The following ITGA6 variants were observed in gnomAD, a reference collection of about 807,000 sequenced individuals.
ITGA6 encodes integrin subunit alpha 6.
ITGA6 carries 63 observed loss-of-function variants against 133.6 expected under a neutral mutation model. The ratio of observed to expected loss-of-function variants is 0.47; its 90% confidence interval spans 0.38 to 0.58. The LOEUF is 0.58. ITGA6 is among the 20% of genes least tolerant of loss of function. The pLI is 0.00. For synonymous variants in ITGA6, 434 were observed against 482.0 expected (o/e 0.90, Z 1.30); for missense variants, 1,068 against 1,309.4 (o/e 0.82, Z 2.85).
chr2:172,472,908 C>T (rs933292833), intron 5 of ITGA6: 25 of 1,440,992 alleles, frequency 1.7e-5, no homozygotes, highest in East Asian at 4.5e-5. Context: ...ACCTCTGCGA[C>T]GACAAATAAA....
intron 5 of ITGA6, 148 bp downstream of exon 5, chr2:172,471,253 G>GT: frequency 5.8e-6 from 5 of 860,078 alleles, no homozygotes; most frequent in Non-Finnish European, 9.2e-6. Context: ...GATAAGCTTG[G>GT]TGATCTAGAG....
intron 25 of ITGA6, chr2:172,503,458 T>C (rs918919172): frequency 1.9e-4 from 29 of 152,306 alleles, no homozygotes; most frequent in African/African-American, 6.5e-4. Context: ...GCACATGATT[T>C]TTATTGCAGG....
intron 23 of ITGA6, among the ~76,000 whole-genome samples, chr2:172,493,214 TACATTTGCCTGAG>T (rs1458706086): frequency 3.9e-5 from 6 of 152,150 alleles, no homozygotes; most frequent in Non-Finnish European, 8.8e-5. Context: ...AGCCCCAGGA[TACATTTGCCTGAG>T]ACAAATGCTG....
In ITGA6 at chr2:172,495,034, G is replaced by A. The variant is rs536977345; in HGVS notation, c.2989-2941G>A. Among the ~76,000 whole-genome samples the A allele has an allele frequency of 1.1e-4, 16 of 152,272 alleles. 1 individual carries two copies. Among genetic ancestry groups the A allele is most frequent in the African/African-American group, 3.9e-4 (16 of 41,556 alleles). ...TGTTATATGATAAACACCAAGAGTG[G>A]ATGATGTCCTTAATAGATAATTTTG... On this transcript the variant is annotated intron_variant, in intron 23 of 25. Transcript: ENST00000684293.
chr2:172,501,789 A>C lies in ITGA6; in HGVS notation c.3132A>C (p.Arg1044Ser). ...CCTTGTAGTGTGGTTTCTTCAAGAG[A>C]AATAAGAAAGATCATTATGATGCCA... The part of the protein sequence containing the change: ...FILWKCGFFK[R>S]NKKDHYDATY... Residue 1044 changes from arginine to serine, a missense_variant, in exon 25 of 26, where the codon AGA becomes AGC. Arg to Ser is a moderately radical substitution (Grantham distance 110). Coordinates refer to ENST00000684293, the MANE Select transcript of ITGA6 (RefSeq NM_000210.4). 1 of 1,612,726 alleles carries C rather than the reference A, an allele frequency of 6.2e-7. No individual in the cohort carries two copies. The highest frequency in any genetic ancestry group is 1.1e-5 in the South Asian group (1 of 91,022).
chr2:172,465,840 A>G (rs1208493039), intron 2 of ITGA6, 177 bp downstream of exon 2: 4 of 908,786 alleles, frequency 4.4e-6, no homozygotes, highest in East Asian at 5.3e-5. Flanking sequence ...TCTGAATCAT[A>G]CTGGGATGCC....
intron 1 of ITGA6, among the ~76,000 whole-genome samples, chr2:172,438,157 G>A (rs1684401839): frequency 6.6e-6 from 1 of 151,694 alleles, no homozygotes; most frequent in South Asian, 2.1e-4. Flanking sequence ...TAAGATGGGA[G>A]AAGATTATAG....
intron 1 of ITGA6, among the ~76,000 whole-genome samples, chr2:172,441,610 A>G (rs909958598): frequency 2.7e-5 from 4 of 150,086 alleles, no homozygotes; most frequent in Admixed American, 2.0e-4. Context: ...ACCTCAGTGC[A>G]TAAGACACAG....
intron 13 of ITGA6, among the ~76,000 whole-genome samples, chr2:172,486,521 C>T (rs1382140917): frequency 2.6e-5 from 4 of 152,164 alleles, no homozygotes; most frequent in East Asian, 1.9e-4. Context: ...CTCTCTGTTT[C>T]GTCATCTCTA....
chr2:172,428,011 C>G (rs1294130233), intron 1 of ITGA6, 41 bp downstream of exon 1: 1 of 1,574,210 alleles, frequency 6.4e-7, no homozygotes, highest in Non-Finnish European at 8.6e-7. Flanking sequence ...GGGGCGCCGG[C>G]CTGCGCGCGA....
chr2:172,438,783 G>A lies in ITGA6; in HGVS notation c.182+10813G>A, dbSNP rs1412315342. On this transcript the variant is annotated intron_variant, in intron 1 of 25. Coordinates refer to ENST00000684293, the MANE Select transcript of ITGA6 (RefSeq NM_000210.4). ...TATCTTTTCAGTCTGGTGGACAGCAGAGGTTACCCTTTGGGGGCCAGGTCA... is the reference window on the plus strand; with the variant it reads ...TATCTTTTCAGTCTGGTGGACAGCAAAGGTTACCCTTTGGGGGCCAGGTCA... Among the ~76,000 whole-genome samples the A allele has an allele frequency of 5.9e-5, 9 of 151,964 alleles. 1 individual carries two copies. The highest frequency in any genetic ancestry group is 5.9e-4 in the Admixed American group (9 of 15,226).
At chr2:172,440,725 C>T (rs146598636) in intron 1 of ITGA6, among the ~76,000 whole-genome samples, 2 of 152,346 alleles carry the variant, frequency 1.3e-5, no homozygotes, top group East Asian at 3.9e-4. Context: ...GTATACCTGG[C>T]ACCAACAGCC....
chr2:172,444,928 G>T (rs1377076971), intron 1 of ITGA6, among the ~76,000 whole-genome samples: 1 of 151,798 alleles, frequency 6.6e-6, no homozygotes, highest in Non-Finnish European at 1.5e-5. Context: ...ATTAAACAAT[G>T]TAAGCGTTTA....
At chr2:172,497,743 A>G (rs1687189038) in intron 23 of ITGA6, among the ~76,000 whole-genome samples, 1 of 152,182 alleles carries the variant, frequency 6.6e-6, no homozygotes, top group Admixed American at 6.5e-5. Flanking sequence ...AGAAGTAACC[A>G]CTTTGTCAGA....
At chr2:172,438,125 T>C (rs1684399986) in intron 1 of ITGA6, among the ~76,000 whole-genome samples, 1 of 151,408 alleles carries the variant, frequency 6.6e-6, no homozygotes, top group Non-Finnish European at 1.5e-5. Context: ...GGGGAAATAG[T>C]GGGTTTTTGT....
At chr2:172,452,270 TA>T (rs1001432310) in intron 1 of ITGA6, among the ~76,000 whole-genome samples, 1 of 152,156 alleles carries the variant, frequency 6.6e-6, no homozygotes, top group African/African-American at 2.4e-5. Context: ...CCTATTTCTG[TA>T]AAATTAGGAG....
At chr2:172,475,210 G>A in intron 7 of ITGA6, 88 bp downstream of exon 7, 2 of 935,374 alleles carry the variant, frequency 2.1e-6, no homozygotes. Flanking sequence ...GCTCACGCCT[G>A]TAATCCCAGC....
rs770876275 is a variant in ITGA6, at chr2:172,497,930, C to T, written c.2989-45C>T. On this transcript the variant is annotated intron_variant, in intron 23 of 25. Coordinates refer to ENST00000684293, the MANE Select transcript of ITGA6 (RefSeq NM_000210.4). Reference sequence around the variant, plus strand: ...GAACCATAAACTCCTGGTGTGAACTCTTGCCGCTGTATGTAGTAATGCTGC... The same window carrying T: ...GAACCATAAACTCCTGGTGTGAACTTTTGCCGCTGTATGTAGTAATGCTGC... The T allele has an allele frequency of 8.1e-6, 13 of 1,611,588 alleles. No homozygotes were observed. In the Admixed American group the frequency reaches 2.0e-4, roughly 25 times the overall value.
chr2:172,499,992 ACT>A (rs1574419549), intron 24 of ITGA6, among the ~76,000 whole-genome samples: 1 of 152,302 alleles, frequency 6.6e-6, no homozygotes, highest in East Asian at 1.9e-4. Context: ...CTAAAATACG[ACT>A]TATACAACCC....
Sources: allele counts gnomAD v4.1 joint callset (sites outside exome capture counted in the v4.1 genomes callset), GRCh38; gene constraint gnomAD v4.1.1; transcripts MANE v1.5; gene names NCBI Gene and HGNC (gene_info 2026-07-23, HGNC 2026-07-21).